Variants in ADARB2 observed in about 807,000 individuals in gnomAD.
ADARB2 encodes inactive double-stranded RNA-specific editase B2.
A neutral mutation model predicts 62.2 loss-of-function variants in ADARB2; 25 were observed. The observed-to-expected ratio is 0.40, with a 90% confidence interval of 0.29 to 0.56. ADARB2 has a LOEUF of 0.56. ADARB2 is among the 20% of genes least tolerant of loss of function. ADARB2 has a pLI of 0.43. For synonymous variants in ADARB2, 572 were observed against 500.8 expected (o/e 1.14, Z -1.90); for missense variants, 1,071 against 1,077.4 (o/e 0.99, Z 0.08).
chr10:1,533,220 G>A (rs1355036109), intron 1 of ADARB2, among the ~76,000 whole-genome samples: 1 of 151,638 alleles, frequency 6.6e-6, no homozygotes. Flanking sequence ...CCTGGTTCGA[G>A]CGATTCTCCT....
At chr10:1,716,768 C>T (rs1835021069) in intron 1 of ADARB2, among the ~76,000 whole-genome samples, 2 of 152,180 alleles carry the variant, frequency 1.3e-5, no homozygotes, top group South Asian at 4.1e-4. Context: ...GCCATGGATG[C>T]TTTGGCAGAT....
At chr10:1,226,927 C>G (rs1040376839) in intron 6 of ADARB2, among the ~76,000 whole-genome samples, 1 of 152,252 alleles carries the variant, frequency 6.6e-6, no homozygotes, top group South Asian at 2.1e-4. Context: ...CTCTTCAAAG[C>G]TGTCAGAGAG....
chr10:1,374,787 C>T (rs1298983098), intron 2 of ADARB2, among the ~76,000 whole-genome samples: 2 of 152,240 alleles, frequency 1.3e-5, no homozygotes, highest in Non-Finnish European at 2.9e-5. Context: ...AGACGGGCTC[C>T]CGGGAGTTAG....
intron 1 of ADARB2, among the ~76,000 whole-genome samples, chr10:1,382,696 G>A (rs1026962901): frequency 2.0e-5 from 3 of 148,612 alleles, no homozygotes; most frequent in African/African-American, 7.5e-5. Context: ...GATGAAAAAA[G>A]GATGCCATAC....
At chr10:1,389,874 T>C (rs956730063) in intron 1 of ADARB2, among the ~76,000 whole-genome samples, 3 of 152,158 alleles carry the variant, frequency 2.0e-5, no homozygotes, top group African/African-American at 7.2e-5. Context: ...GTATAGTAAC[T>C]TCAAGAAACT....
intron 8 of ADARB2, among the ~76,000 whole-genome samples, chr10:1,191,088 T>C (rs1836837978): frequency 6.6e-6 from 1 of 151,178 alleles, no homozygotes; most frequent in Admixed American, 6.6e-5. Context: ...GTTTGCACGC[T>C]CTGGGCCCCA....
chr10:1,727,633 A>G (rs149926805), intron 1 of ADARB2, among the ~76,000 whole-genome samples: 2 of 152,238 alleles, frequency 1.3e-5, no homozygotes, highest in East Asian at 3.8e-4. Context: ...TTCATTTGAT[A>G]TAATAAAGGA....
intron 1 of ADARB2, among the ~76,000 whole-genome samples, chr10:1,407,344 G>T (rs533850803): frequency 6.6e-6 from 1 of 152,184 alleles, no homozygotes; most frequent in African/African-American, 2.4e-5. Context: ...CGGGTCCGAC[G>T]TCTCCGGCGT....
At chr10:1,665,671 A>C (rs1588344534) in intron 1 of ADARB2, among the ~76,000 whole-genome samples, 1 of 152,188 alleles carries the variant, frequency 6.6e-6, no homozygotes, top group East Asian at 1.9e-4. Flanking sequence ...GGGAAATCCA[A>C]CTCCTCGGTC....
intron 1 of ADARB2, among the ~76,000 whole-genome samples, chr10:1,546,639 C>T (rs892167911): frequency 6.6e-6 from 1 of 152,238 alleles, no homozygotes; most frequent in African/African-American, 2.4e-5. Context: ...CATCTCTTGC[C>T]CCTTAAGGCA....
intron 1 of ADARB2, among the ~76,000 whole-genome samples, chr10:1,595,430 G>A (rs562260755): frequency 2.6e-5 from 4 of 152,312 alleles, no homozygotes; most frequent in South Asian, 2.1e-4. Context: ...GGCTAAGGAC[G>A]TTCAGAAGGA....
rs892922595 is a variant in ADARB2, at chr10:1,363,521, G to A, written c.584C>T (p.Ala195Val). The change falls in exon 3 of 10, where the codon GCC (alanine) becomes GTC (valine). Residue 195 changes from alanine (A) to valine (V), a missense_variant. Coordinates refer to ENST00000381312, the MANE Select transcript of ADARB2 (RefSeq NM_018702.4). ...ALRSFVQFPN[A>V]CQAHLAMGGG... ...GCCCATGGCCAGGTGCGCCTGGCAG[G>A]CGTTGGGGAACTGCACGAAGGACCT... 6.5e-7 allele frequency: 1 copy of A among 1,540,892 alleles called. No individual in the cohort carries two copies. Among genetic ancestry groups the A allele is most frequent in the Non-Finnish European group, 8.7e-7 (1 of 1,147,574 alleles).
At chr10:1,669,411 GACACACACAGAC>G (rs984051707) in intron 1 of ADARB2, among the ~76,000 whole-genome samples, 10 of 151,998 alleles carry the variant, frequency 6.6e-5, no homozygotes, top group Non-Finnish European at 1.5e-4. Flanking sequence ...AACACATAGA[GACACACACAGAC>G]ACACACACAG....
In ADARB2 at chr10:1,247,887, A is replaced by C. The variant is rs560538794; in HGVS notation, c.1193-5588T>G. On this transcript the variant is annotated intron_variant, in intron 4 of 9. Coordinates refer to ENST00000381312, the MANE Select transcript of ADARB2 (RefSeq NM_018702.4). ...ATTTGGGGCTGTGTCAACCCTGCACAGAGGTGTCTAACATTCTCCTTTTTC... is the reference window on the plus strand; with the variant it reads ...ATTTGGGGCTGTGTCAACCCTGCACCGAGGTGTCTAACATTCTCCTTTTTC... Among the ~76,000 whole-genome samples the C allele has an allele frequency of 9.1e-4, 139 of 152,304 alleles. 1 individual carries two copies. Among genetic ancestry groups the C allele is most frequent in the African/African-American group, 3.2e-3 (133 of 41,554 alleles).
intron 1 of ADARB2, among the ~76,000 whole-genome samples, chr10:1,651,776 G>A (rs1165858776): frequency 6.6e-6 from 1 of 152,080 alleles, no homozygotes; most frequent in African/African-American, 2.4e-5. Context: ...CTGCTTATGG[G>A]TGCTGCTTTC....
In ADARB2 at chr10:1,394,901, C is replaced by T. The variant is rs557137985; in HGVS notation, c.101-15741G>A. On this transcript the variant is annotated intron_variant, in intron 1 of 9. Coordinates refer to ENST00000381312, the MANE Select transcript of ADARB2 (RefSeq NM_018702.4). ...TTCTTTTCTTTTCTTTTCTTCCTCCCTCCTCCTCCTTCTTCTTCCTCTCTC... is the reference window on the plus strand; with the variant it reads ...TTCTTTTCTTTTCTTTTCTTCCTCCTTCCTCCTCCTTCTTCTTCCTCTCTC... 2.0e-4 allele frequency: 92 copies of T among 456,742 alleles called. 4 individuals carry two copies. Among genetic ancestry groups the T allele is most frequent in the South Asian group, 1.4e-3 (92 of 64,530 alleles). 28.3% of individuals were successfully genotyped at this position (456,742 alleles called of 1,614,324 possible).
chr10:1,529,040 C>A (rs1278826604), intron 1 of ADARB2, among the ~76,000 whole-genome samples: 1 of 152,134 alleles, frequency 6.6e-6, no homozygotes, highest in Non-Finnish European at 1.5e-5. Context: ...AGGAGCCAAG[C>A]AGCACCACCC....
At chr10:1,307,767 C>A (rs1831643908) in intron 3 of ADARB2, among the ~76,000 whole-genome samples, 1 of 92,132 alleles carries the variant, frequency 1.1e-5, no homozygotes, top group African/African-American at 3.6e-5. Context: ...ATGACGAGTT[C>A]ATGTCCTTTG....
chr10:1,630,668 A>C (rs1564352129), intron 1 of ADARB2, among the ~76,000 whole-genome samples: 1 of 152,150 alleles, frequency 6.6e-6, no homozygotes, highest in Admixed American at 6.5e-5. Context: ...TTAAAGGTCT[A>C]TGTGCATTTT....
Sources: allele counts gnomAD v4.1 joint callset (sites outside exome capture counted in the v4.1 genomes callset), GRCh38; gene constraint gnomAD v4.1.1; transcripts MANE v1.5; gene names NCBI Gene and HGNC (gene_info 2026-07-23, HGNC 2026-07-21).